RTN1: variants seen among roughly 807,000 people sequenced by gnomAD.
RTN1 encodes reticulon-1.
Under a neutral mutation model 65.5 loss-of-function variants are expected in RTN1, and 25 were observed. That is an observed-to-expected ratio of 0.38 (90% CI 0.28 to 0.53). The LOEUF (loss-of-function observed/expected upper bound fraction) is 0.53, where lower values mean the gene tolerates loss of function less well. Among genes scored for constraint, RTN1 ranks in the 20% least tolerant of loss-of-function variants. The pLI is 0.79. For missense variants in RTN1, 983 were observed against 1,025.4 expected, an observed-to-expected ratio of 0.96 and a Z score of 0.57; for synonymous variants, 471 against 447.6, an observed-to-expected ratio of 1.05 and a Z score of -0.66.
chr14:59,658,464 C>T (rs1883172214), intron 3 of RTN1, among the ~76,000 whole-genome samples: 1 of 152,350 alleles, frequency 6.6e-6, no homozygotes, highest in Non-Finnish European at 1.5e-5. Flanking sequence ...CAGGGGTCAA[C>T]AGACACCTCA....
chr14:59,863,573 G>A (rs1383665051), intron 1 of RTN1, among the ~76,000 whole-genome samples: 1 of 152,058 alleles, frequency 6.6e-6, no homozygotes, highest in Admixed American at 6.5e-5. Flanking sequence ...GTATATTTGA[G>A]TGACCCAGGA....
intron 1 of RTN1, among the ~76,000 whole-genome samples, chr14:59,823,309 G>A (rs781443868): frequency 2.6e-5 from 4 of 151,702 alleles, no homozygotes; most frequent in Non-Finnish European, 4.4e-5. Flanking sequence ...TTTAAAGACT[G>A]TTTTGTCAGA....
At chr14:59,657,394 GTGAGACT>G (rs1192929194) in intron 3 of RTN1, among the ~76,000 whole-genome samples, 1 of 152,242 alleles carries the variant, frequency 6.6e-6, no homozygotes, top group African/African-American at 2.4e-5. Context: ...GGGTGAAAGA[GTGAGACT>G]CTGTCTCAAC....
chr14:59,640,471 C>A (rs964999591), intron 3 of RTN1, among the ~76,000 whole-genome samples: 1 of 152,072 alleles, frequency 6.6e-6, no homozygotes, highest in Non-Finnish European at 1.5e-5. Context: ...TGTGCACTAC[C>A]ACGCACAGCT....
chr14:59,603,193 G>T lies in RTN1; in HGVS notation c.2229+19C>A. 1.9e-6 allele frequency: 3 copies of T among 1,612,414 alleles called. No homozygotes were observed. Among genetic ancestry groups the T allele is most frequent in the Non-Finnish European group, 2.5e-6 (3 of 1,179,230 alleles). On this transcript the variant is annotated intron_variant, in intron 7 of 8. Coordinates refer to ENST00000267484, the MANE Select transcript of RTN1 (RefSeq NM_021136.3). ...AGGTCAAAATTCAATGCCATTTTTTGACATCACATAGAACTTACCTGGTGC... is the reference window on the plus strand; with the variant it reads ...AGGTCAAAATTCAATGCCATTTTTTTACATCACATAGAACTTACCTGGTGC...
intron 3 of RTN1, among the ~76,000 whole-genome samples, chr14:59,647,464 C>G (rs905342583): frequency 5.9e-5 from 9 of 152,222 alleles, no homozygotes; most frequent in African/African-American, 1.9e-4. Flanking sequence ...TAGATCTCCA[C>G]AGAACTCTCC....
chr14:59,723,215 G>C (rs12882297), intron 3 of RTN1, among the ~76,000 whole-genome samples: 1 of 152,166 alleles, frequency 6.6e-6, no homozygotes, highest in South Asian at 2.1e-4. Flanking sequence ...GATTACCAGA[G>C]AGGACAAGAA....
chr14:59,650,455 G>A (rs1412632855), intron 3 of RTN1, among the ~76,000 whole-genome samples: 1 of 152,120 alleles, frequency 6.6e-6, no homozygotes, highest in Admixed American at 6.6e-5. Context: ...AGGAAGACAG[G>A]AAGTCAAACT....
At position 59,743,991 on chromosome 14, in the gene RTN1, A is replaced by G. The variant is rs80226610; in HGVS notation, c.1015+1717T>C. Among the ~76,000 whole-genome samples, 1,516 of 152,278 alleles carry G rather than the reference A, an allele frequency of 1.0e-2. 24 individuals carry two copies. Among genetic ancestry groups the G allele is most frequent in the African/African-American group, 0.034 (1,428 of 41,538 alleles). On this transcript the variant is annotated intron_variant, in intron 2 of 8. Transcript: ENST00000267484. ...GTAGAAAGTGTTTGTTGCGTGAATGAGTAAATTTGAAAATCAGGGACCTGG... is the reference window on the plus strand; with the variant it reads ...GTAGAAAGTGTTTGTTGCGTGAATGGGTAAATTTGAAAATCAGGGACCTGG...
rs774073373 is a variant in RTN1, at chr14:59,746,117, G to A, written c.606C>T (p.Pro202=). 12 of 1,612,318 alleles carry A rather than the reference G, an allele frequency of 7.4e-6. No homozygotes were observed. The East Asian group carries it at 1.3e-4, about 18-fold the overall frequency. The part of the protein sequence containing the change: ...EAYKYIDITR[P]EEVKHQEQHH... Reference sequence around the variant, plus strand: ...GTTGTTCTTGGTGCTTCACCTCCTCGGGTCTGGTTATGTCAATGTATTTAT... The same window carrying A: ...GTTGTTCTTGGTGCTTCACCTCCTCAGGTCTGGTTATGTCAATGTATTTAT... The change falls in exon 2 of 9, where the codon CCC becomes CCT. Residue 202 remains proline, a synonymous_variant. Coordinates refer to ENST00000267484, the MANE Select transcript of RTN1 (RefSeq NM_021136.3).
At position 59,794,032 on chromosome 14, in the gene RTN1, C is replaced by T. The variant is rs763209371; in HGVS notation, c.242-47551G>A. ...ATTACACTCCTCTCCCACTGAGTAC[C>T]GGCCATGAATCTTGAGTTAGACTGA... On this transcript the variant is annotated intron_variant, in intron 1 of 8. Transcript: ENST00000267484. The surrounding 1 kb of genome is among the most constrained non-coding windows in gnomAD (Gnocchi z 5.1). 6.6e-6 allele frequency among the ~76,000 whole-genome samples: 1 copy of T among 152,062 alleles called. No individual in the cohort carries two copies. Among genetic ancestry groups the T allele is most frequent in the African/African-American group, 2.4e-5 (1 of 41,410 alleles).
intron 1 of RTN1, among the ~76,000 whole-genome samples, chr14:59,853,863 C>CTT (rs71111670): frequency 2.8e-4 from 35 of 126,662 alleles, no homozygotes; most frequent in African/African-American, 7.8e-4. Context: ...TAAACTTTTA[C>CTT]TTTTTTTTTT....
chr14:59,731,305 T>G (rs1158154351), intron 2 of RTN1, among the ~76,000 whole-genome samples: 1 of 152,076 alleles, frequency 6.6e-6, no homozygotes, highest in African/African-American at 2.4e-5. Flanking sequence ...AGTAAATTTA[T>G]AGAGAAAGAA....
intron 3 of RTN1, among the ~76,000 whole-genome samples, chr14:59,673,901 T>C (rs1197876568): frequency 6.6e-6 from 1 of 152,194 alleles, no homozygotes; most frequent in Admixed American, 6.5e-5. Flanking sequence ...TGTAATACAA[T>C]ATTATAACTA....
In RTN1 at chr14:59,630,363, G is replaced by A; in HGVS notation, c.1766-22871C>T. 3.8e-6 allele frequency: 6 copies of A among 1,574,282 alleles called. No homozygotes were observed. The South Asian group carries it at 5.6e-5, about 15-fold the overall frequency. On this transcript the variant is annotated intron_variant, in intron 3 of 8. Coordinates refer to ENST00000267484, the MANE Select transcript of RTN1 (RefSeq NM_021136.3). ...GTATAAAGCATGCACAGGTCCCACAGGTGAAATGATGCACAATGGACGAGT... is the reference window on the plus strand; with the variant it reads ...GTATAAAGCATGCACAGGTCCCACAAGTGAAATGATGCACAATGGACGAGT...
chr14:59,737,656 A>G (rs1566705315), intron 2 of RTN1, among the ~76,000 whole-genome samples: 1 of 152,232 alleles, frequency 6.6e-6, no homozygotes, highest in African/African-American at 2.4e-5. Flanking sequence ...GAATTAGAAA[A>G]AACTATTTTA....
At chr14:59,688,918 T>A (rs1030191860) in intron 3 of RTN1, among the ~76,000 whole-genome samples, 5 of 152,100 alleles carry the variant, frequency 3.3e-5, no homozygotes, top group Non-Finnish European at 7.4e-5. Flanking sequence ...CAAATCTGAA[T>A]GCAGTTACAC....
intron 3 of RTN1, among the ~76,000 whole-genome samples, chr14:59,698,632 T>C (rs1884113130): frequency 6.6e-6 from 1 of 152,198 alleles, no homozygotes; most frequent in African/African-American, 2.4e-5. Flanking sequence ...ATGTAAGACG[T>C]GACTTGCTCT....
chr14:59,859,156 T>C (rs1263246207), intron 1 of RTN1, among the ~76,000 whole-genome samples: 1 of 152,204 alleles, frequency 6.6e-6, no homozygotes, highest in Non-Finnish European at 1.5e-5. Context: ...TTGAGAAATA[T>C]GGAATAATTT....
Sources: allele counts gnomAD v4.1 joint callset (sites outside exome capture counted in the v4.1 genomes callset), GRCh38; gene constraint gnomAD v4.1.1; non-coding constraint Gnocchi (gnomAD v3.1); transcripts MANE v1.5; gene names NCBI Gene and HGNC (gene_info 2026-07-23, HGNC 2026-07-21).